The following CDH18 variants were observed in gnomAD, a reference collection of about 807,000 sequenced individuals.
The protein encoded by CDH18 is cadherin-18.
Under a neutral mutation model 67.9 loss-of-function variants are expected in CDH18, and 31 were observed. The ratio of observed to expected loss-of-function variants is 0.46; its 90% CI spans 0.34 to 0.62. The LOEUF is 0.62. Ranked by LOEUF, CDH18 falls within the 20% of genes least tolerant of loss-of-function variation. CDH18 has a pLI of 0.01. For missense variants in CDH18, 890 were observed against 975.5 expected (o/e 0.91, Z 1.17); for synonymous variants, 362 against 347.2 (o/e 1.04, Z -0.48).
At chr5:20,306,770 A>G (rs1044888143) in intron 1 of CDH18, among the ~76,000 whole-genome samples, 1 of 152,184 alleles carries the variant, frequency 6.6e-6, no homozygotes, top group Non-Finnish European at 1.5e-5. Context: ...ATTTTTCCCT[A>G]TATGGAAAAC....
intron 11 of CDH18, among the ~76,000 whole-genome samples, chr5:19,489,342 G>T (rs1740941268): frequency 6.6e-6 from 1 of 150,752 alleles, no homozygotes; most frequent in Non-Finnish European, 1.5e-5. Flanking sequence ...CCACCTCCCG[G>T]GTTCAAGCGA....
intron 2 of CDH18, among the ~76,000 whole-genome samples, chr5:20,134,826 T>C (rs894371570): frequency 3.3e-5 from 5 of 152,146 alleles, no homozygotes; most frequent in Non-Finnish European, 5.9e-5. Context: ...CATTAGTCCA[T>C]AGTTATATTA....
intron 5 of CDH18, among the ~76,000 whole-genome samples, chr5:19,700,199 C>T (rs2150472277): frequency 6.6e-6 from 1 of 152,274 alleles, no homozygotes; most frequent in South Asian, 2.1e-4. Flanking sequence ...ACCAGGGTTC[C>T]TAACCAAACT....
intron 1 of CDH18, among the ~76,000 whole-genome samples, chr5:20,553,255 T>C (rs1280658479): frequency 6.6e-6 from 1 of 152,182 alleles, no homozygotes; most frequent in Non-Finnish European, 1.5e-5. Flanking sequence ...GTTTTATCTT[T>C]ATTTACAAGG....
At chr5:19,680,640 T>C (rs1760157695) in intron 5 of CDH18, among the ~76,000 whole-genome samples, 1 of 151,864 alleles carries the variant, frequency 6.6e-6, no homozygotes, top group Non-Finnish European at 1.5e-5. Flanking sequence ...AGGACATACA[T>C]GTGGCCAACA....
chr5:20,016,515 C>T (rs571228120), intron 2 of CDH18, among the ~76,000 whole-genome samples: 7 of 152,078 alleles, frequency 4.6e-5, no homozygotes, highest in Non-Finnish European at 1.0e-4. Context: ...GTGATAGAAG[C>T]ATAAATGGAG....
intron 1 of CDH18, among the ~76,000 whole-genome samples, chr5:20,365,120 A>C (rs549462077): frequency 1.3e-5 from 2 of 152,242 alleles, no homozygotes; most frequent in East Asian, 3.9e-4. Context: ...TTACATTCTC[A>C]CAGTTCTGCA....
At chr5:19,860,116 C>A (rs1228298454) in intron 2 of CDH18, among the ~76,000 whole-genome samples, 1 of 151,694 alleles carries the variant, frequency 6.6e-6, no homozygotes, top group East Asian at 1.9e-4. Flanking sequence ...TTATGGTCAT[C>A]CATTGAATAA....
At chr5:20,189,564 G>T (rs1489612894) in intron 2 of CDH18, among the ~76,000 whole-genome samples, 1 of 151,986 alleles carries the variant, frequency 6.6e-6, no homozygotes, top group African/African-American at 2.4e-5. Flanking sequence ...CCTCTATGAG[G>T]GAGATACTTA....
chr5:19,767,737 T>C (rs1773273590), intron 3 of CDH18, among the ~76,000 whole-genome samples: 1 of 152,088 alleles, frequency 6.6e-6, no homozygotes, highest in Non-Finnish European at 1.5e-5. Flanking sequence ...TCAGTAGAAA[T>C]GGTGGAAAAA....
At chr5:19,646,820 A>G (rs1222059253) in intron 5 of CDH18, among the ~76,000 whole-genome samples, 1 of 152,152 alleles carries the variant, frequency 6.6e-6, no homozygotes, top group Non-Finnish European at 1.5e-5. Flanking sequence ...ATAAATGACA[A>G]CAAAGTATTA....
At chr5:19,589,469 A>G (rs1206969750) in intron 7 of CDH18, among the ~76,000 whole-genome samples, 1 of 152,138 alleles carries the variant, frequency 6.6e-6, no homozygotes, top group Admixed American at 6.6e-5. Flanking sequence ...CCATAAAATG[A>G]AAAGCAGGCA....
intron 10 of CDH18, among the ~76,000 whole-genome samples, chr5:19,513,472 G>A (rs1380999410): frequency 1.3e-5 from 2 of 151,890 alleles, no homozygotes; most frequent in African/African-American, 4.8e-5. Context: ...TCTCTCTTTT[G>A]TTTTTAACAA....
At chr5:20,480,330 A>G (rs1268184277) in intron 1 of CDH18, among the ~76,000 whole-genome samples, 2 of 152,214 alleles carry the variant, frequency 1.3e-5, no homozygotes, top group African/African-American at 4.8e-5. Context: ...GACTACAACA[A>G]CTTTTCAAGA....
At chr5:19,482,308 G>A (rs986441596) in intron 12 of CDH18, among the ~76,000 whole-genome samples, 41 of 152,104 alleles carry the variant, frequency 2.7e-4, no homozygotes, top group African/African-American at 9.4e-4. Flanking sequence ...AGTAGAAACG[G>A]GGTTTCACTG....
At chr5:19,522,982 T>C (rs1339151335) in intron 9 of CDH18, among the ~76,000 whole-genome samples, 1 of 149,512 alleles carries the variant, frequency 6.7e-6, no homozygotes, top group Non-Finnish European at 1.5e-5. Flanking sequence ...GTCACAGGGA[T>C]AGACAAACAG....
chr5:20,348,516 T>C (rs1281689956), intron 1 of CDH18, among the ~76,000 whole-genome samples: 7 of 152,146 alleles, frequency 4.6e-5, no homozygotes, highest in African/African-American at 1.7e-4. Context: ...GAAAATAATT[T>C]GTTGCTCTGA....
intron 2 of CDH18, among the ~76,000 whole-genome samples, chr5:19,860,536 TA>T (rs1784786135): frequency 6.6e-6 from 1 of 151,848 alleles, no homozygotes; most frequent in African/African-American, 2.4e-5. Flanking sequence ...ATACCATTTT[TA>T]TATTGGTCTG....
chr5:20,521,808 TAC>T (rs111371227), intron 1 of CDH18, among the ~76,000 whole-genome samples: 208 of 149,862 alleles, frequency 1.4e-3, no homozygotes, highest in African/African-American at 4.4e-3. Flanking sequence ...CACACACACA[TAC>T]ACACACACAC....
Sources: allele counts gnomAD v4.1 joint callset (sites outside exome capture counted in the v4.1 genomes callset), GRCh38; gene constraint gnomAD v4.1.1; transcripts MANE v1.5; gene names NCBI Gene and HGNC (gene_info 2026-07-23, HGNC 2026-07-21).